Variants in NUCKS1 observed in about 807,000 individuals in gnomAD.
The protein encoded by NUCKS1 is nuclear casein kinase and cyclin dependent kinase substrate 1, also known as nuclear ubiquitous casein and cyclin-dependent kinase substrate 1.
Under a neutral mutation model 33.0 loss-of-function variants are expected in NUCKS1, and 2 were observed. The observed-to-expected ratio is 0.06, with a 90% confidence interval of 0.02 to 0.19. The LOEUF (loss-of-function observed/expected upper bound fraction) is 0.19, where lower values mean the gene tolerates loss of function less well. Among genes scored for constraint, NUCKS1 ranks in the 10% least tolerant of loss-of-function variants. The pLI, the probability that NUCKS1 is intolerant of heterozygous loss-of-function variation, is 1.00. For missense variants in NUCKS1, 201 were observed against 293.6 expected (o/e 0.68, Z 2.31); for synonymous variants, 106 against 102.8 (o/e 1.03, Z -0.19).
chr1:205,750,021 CCCCCCACCCCGCGCG>C lies in NUCKS1; in HGVS notation c.-63_-49del. On this transcript the variant is annotated 5_prime_UTR_variant, in exon 1 of 7. Coordinates refer to ENST00000367142, the MANE Select transcript of NUCKS1 (RefSeq NM_022731.5). ...AGTCGAGAAGCCAAAGACCAGGACC[CCCCCCACCCCGCGCG>C]CTCGGCGCCCCACCCCCCCCGAACT... The C allele has an allele frequency of 9.6e-7, 1 of 1,045,718 alleles. No individual in the cohort carries two copies. Among genetic ancestry groups the C allele is most frequent in the Non-Finnish European group, 1.3e-6 (1 of 745,020 alleles). The allele number at this position is 1,045,718 out of a possible 1,614,324, so 64.8% of individuals were successfully genotyped here.
At chr1:205,725,521 T>C (rs1448249132) in intron 3 of NUCKS1, among the ~76,000 whole-genome samples, 2 of 152,352 alleles carry the variant, frequency 1.3e-5, no homozygotes, top group East Asian at 1.9e-4. Context: ...ATGTTTTTTA[T>C]GCAAAATAAG....
At position 205,712,908 on chromosome 1, in the gene NUCKS1, A is replaced by G. The variant is rs181358537; in HGVS notation, c.*5372T>C. 9.2e-5 allele frequency: 14 copies of G among 151,592 alleles called. No homozygotes were observed. Among genetic ancestry groups the G allele is most frequent in the African/African-American group, 2.9e-4 (12 of 40,876 alleles). 9.4% of individuals were successfully genotyped at this position (151,592 alleles called of 1,614,324 possible). On this transcript the variant is annotated 3_prime_UTR_variant, in exon 7 of 7. Coordinates refer to ENST00000367142, the MANE Select transcript of NUCKS1 (RefSeq NM_022731.5). ...TCATAACCTTGGATGTAAACATGAG[A>G]AAAAATGCTAATTAAGAATCCTTAC...
chr1:205,749,994 C>A lies in NUCKS1; in HGVS notation c.-21G>T. On this transcript the variant is annotated 5_prime_UTR_variant, in exon 1 of 7. Transcript: ENST00000367142. Reference sequence around the variant, plus strand: ...GACATGTTCGCTGTCGAAACAGGACCGAGTCGAGAAGCCAAAGACCAGGAC... The same window carrying A: ...GACATGTTCGCTGTCGAAACAGGACAGAGTCGAGAAGCCAAAGACCAGGAC... 1 of 1,598,920 alleles carries A rather than the reference C, an allele frequency of 6.3e-7. No individual in the cohort carries two copies. The highest frequency in any genetic ancestry group is 8.5e-7 in the Non-Finnish European group (1 of 1,171,362).
intron 3 of NUCKS1, among the ~76,000 whole-genome samples, chr1:205,726,879 C>CCAAGTGTAACAAGTTCATGTTACAT (rs1653793526): frequency 6.6e-6 from 1 of 152,164 alleles, no homozygotes; most frequent in African/African-American, 2.4e-5. Context: ...TCTTGTTACA[C>CCAAGTGTAACAAGTTCATGTTACAT]CAAGTGTAAC....
intron 1 of NUCKS1, among the ~76,000 whole-genome samples, chr1:205,741,115 A>C (rs551909143): frequency 6.6e-6 from 1 of 151,350 alleles, no homozygotes. Flanking sequence ...CCTGGCTAAC[A>C]CGGTGAAAGC....
intron 1 of NUCKS1, among the ~76,000 whole-genome samples, chr1:205,734,427 T>C (rs1653985722): frequency 6.6e-6 from 1 of 151,962 alleles, no homozygotes; most frequent in South Asian, 2.1e-4. Flanking sequence ...ACAAATACCA[T>C]AAAATCAGTG....
At chr1:205,726,679 T>C (rs2102434761) in intron 3 of NUCKS1, among the ~76,000 whole-genome samples, 1 of 152,346 alleles carries the variant, frequency 6.6e-6, no homozygotes, top group Non-Finnish European at 1.5e-5. Context: ...AGACATGGTT[T>C]CATAACCTGT....
In NUCKS1 at chr1:205,725,914, T is replaced by C. The variant is rs1038612013; in HGVS notation, c.173+1786A>G. Among the ~76,000 whole-genome samples, 4 of 152,118 alleles carry C rather than the reference T, an allele frequency of 2.6e-5. No individual in the cohort carries two copies. In the East Asian group the frequency reaches 5.8e-4, roughly 22 times the overall value. On this transcript the variant is annotated intron_variant, in intron 3 of 6. Transcript: ENST00000367142. The stretch of plus-strand genomic sequence containing the variant: ...TCTGAGTTGGGCTGCCATCTAAAAC[T>C]GTTTGGCCCGGCGCGGTGGCTCATG...
chr1:205,729,637 ACT>A lies in NUCKS1; in HGVS notation c.18-18_18-17del, dbSNP rs760788843. 3.8e-6 allele frequency: 6 copies of A among 1,574,916 alleles called. No individual in the cohort carries two copies. The highest frequency in any genetic ancestry group is 4.4e-6 in the Non-Finnish European group (5 of 1,145,562). On this transcript the variant is annotated splice_polypyrimidine_tract_variant and intron_variant, in intron 1 of 6. Transcript: ENST00000367142. ...CTTCCTATTTCTGTAGAAAGAAGAG[ACT>A]CTAATTAAAATCATAAAACTGTAGG...
chr1:205,738,281 G>T (rs1243576123), intron 1 of NUCKS1, among the ~76,000 whole-genome samples: 1 of 151,882 alleles, frequency 6.6e-6, no homozygotes, highest in Non-Finnish European at 1.5e-5. Flanking sequence ...GCCCGCCTTG[G>T]CCTCCCAACG....
intron 6 of NUCKS1, among the ~76,000 whole-genome samples, chr1:205,718,816 A>G (rs1376945717): frequency 2.0e-5 from 3 of 152,238 alleles, no homozygotes; most frequent in African/African-American, 7.2e-5. Flanking sequence ...TGTTTATGAT[A>G]AAAGTTGTTT....
rs1014259395 is a variant in NUCKS1 at position 205,717,936 on chromosome 1, C to T, written c.*344G>A. The T allele has an allele frequency of 1.6e-5, 16 of 1,000,664 alleles. No individual in the cohort carries two copies. Among genetic ancestry groups the T allele is most frequent in the East Asian group, 2.1e-4 (2 of 9,462 alleles). 62.0% of individuals were successfully genotyped at this position (1,000,664 alleles called of 1,614,324 possible). A position where few individuals can be genotyped will look rare whatever the true frequency, so the allele number is the denominator to read the frequency against. ...ATCTCAAATCTTATTGCTTTACAAC[C>T]GTGGTACACCTTTCATTAAAAATAA... On this transcript the variant is annotated 3_prime_UTR_variant, in exon 7 of 7. Coordinates refer to ENST00000367142, the MANE Select transcript of NUCKS1 (RefSeq NM_022731.5).
chr1:205,717,303 C>G lies in NUCKS1; in HGVS notation c.*977G>C, dbSNP rs1671839119. On this transcript the variant is annotated 3_prime_UTR_variant, in exon 7 of 7. Transcript: ENST00000367142. ...TCTTTGTGACTGAGTTTCACATTAA[C>G]TGGAACTTTATTTGCTTAAAACCTA... The G allele has an allele frequency of 1.4e-5, 14 of 986,930 alleles. No homozygotes were observed. The highest frequency in any genetic ancestry group is 1.7e-5 in the Non-Finnish European group (14 of 829,738). 61.1% of individuals were successfully genotyped at this position (986,930 alleles called of 1,614,324 possible).
At chr1:205,729,433 C>T (rs1393007570) in intron 2 of NUCKS1, 139 bp downstream of exon 2, 3 of 745,386 alleles carry the variant, frequency 4.0e-6, no homozygotes, top group Non-Finnish European at 7.2e-6. Flanking sequence ...CTTTGGTTGA[C>T]ACAGATCATG....
intron 1 of NUCKS1, among the ~76,000 whole-genome samples, chr1:205,739,284 T>A (rs1654107087): frequency 6.6e-6 from 1 of 152,212 alleles, no homozygotes; most frequent in Admixed American, 6.5e-5. Flanking sequence ...TCTTTACAAA[T>A]CTAACTCTTC....
chr1:205,745,295 T>C (rs1349017432), intron 1 of NUCKS1, among the ~76,000 whole-genome samples: 3 of 152,108 alleles, frequency 2.0e-5, no homozygotes, highest in African/African-American at 7.2e-5. Flanking sequence ...CTTTTAACTA[T>C]CTCTCTCAGC....
rs1671843641 is a variant in NUCKS1, at chr1:205,717,494, TGC to T, written c.*784_*785del. 1 of 975,890 alleles carries T rather than the reference TGC, an allele frequency of 1.0e-6. No individual in the cohort carries two copies. Among genetic ancestry groups the T allele is most frequent in the Non-Finnish European group, 1.2e-6 (1 of 822,876 alleles). The allele number at this position is 975,890 out of a possible 1,614,324, so 60.5% of individuals were successfully genotyped here. A position where few individuals can be genotyped will look rare whatever the true frequency, so the allele number is the denominator to read the frequency against. The stretch of plus-strand genomic sequence containing the variant: ...TGAAATCAAGAGTTTTGGCAGCCCC[TGC>T]TTTTTTTTTTTTTTTAGCTCCCTAA... On this transcript the variant is annotated 3_prime_UTR_variant, in exon 7 of 7. Transcript: ENST00000367142.
Position 205,717,562 on chromosome 1 carries a change from T to C in NUCKS1, c.*718A>G, listed in dbSNP as rs1007192903. On this transcript the variant is annotated 3_prime_UTR_variant, in exon 7 of 7. Transcript: ENST00000367142. Reference sequence around the variant, plus strand: ...AAAAGGATCACTGGCTCCGAGTCTCTTTGAGATAACAAGTGATGAAATAAA... The same window carrying C: ...AAAAGGATCACTGGCTCCGAGTCTCCTTGAGATAACAAGTGATGAAATAAA... 5.0e-5 allele frequency: 49 copies of C among 985,114 alleles called. No individual in the cohort carries two copies. The African/African-American group carries it at 6.1e-4, about 12-fold the overall frequency. The allele number at this position is 985,114 out of a possible 1,614,324, so 61.0% of individuals were successfully genotyped here.
At chr1:205,746,771 T>C (rs1262031582) in intron 1 of NUCKS1, among the ~76,000 whole-genome samples, 1 of 152,230 alleles carries the variant, frequency 6.6e-6, no homozygotes, top group Non-Finnish European at 1.5e-5. Flanking sequence ...AAATAAATTC[T>C]ATAACAACTT....
Sources: allele counts gnomAD v4.1 joint callset (sites outside exome capture counted in the v4.1 genomes callset), GRCh38; gene constraint gnomAD v4.1.1; transcripts MANE v1.5; gene names NCBI Gene and HGNC (gene_info 2026-07-23, HGNC 2026-07-21).